Variants in RORA observed in about 807,000 individuals in gnomAD.
RORA encodes RAR related orphan receptor A.
Under a neutral mutation model 69.5 loss-of-function variants are expected in RORA, and 7 were observed. That is an observed-to-expected ratio of 0.10 (90% CI 0.06 to 0.19). The LOEUF (loss-of-function observed/expected upper bound fraction) is 0.19. Among genes scored for constraint, RORA ranks in the 10% least tolerant of loss-of-function variants. The pLI is 1.00. For synonymous variants in RORA, 261 were observed against 240.8 expected (o/e 1.08, Z -0.78); for missense variants, 457 against 663.0 (o/e 0.69, Z 3.41).
At chr15:60,540,820 A>C (rs3905275) in intron 2 of RORA, among the ~76,000 whole-genome samples, 26,517 of 152,100 alleles carry the variant, frequency 0.17, 2,444 homozygotes, top group Middle Eastern at 0.26. Context: ...TTAGAACATT[A>C]AACCTTGAAA....
intron 1 of RORA, among the ~76,000 whole-genome samples, chr15:60,918,911 G>A (rs775304417): frequency 1.6e-4 from 25 of 152,280 alleles, no homozygotes; most frequent in Non-Finnish European, 3.2e-4. Flanking sequence ...CAGAAAGCCC[G>A]TGCTTGAGCT....
Position 60,489,976 on chromosome 15 carries a change from T to G in RORA, c.*7479A>C, listed in dbSNP as rs2065015141. 6.6e-6 allele frequency: 1 copy of G among 152,092 alleles called. No individual in the cohort carries two copies. The highest frequency in any genetic ancestry group is 1.5e-5 in the Non-Finnish European group (1 of 67,996). The allele number at this position is 152,092 out of a possible 1,614,324, so 9.4% of individuals were successfully genotyped here. A position where few individuals can be genotyped will look rare whatever the true frequency, so the allele number is the denominator to read the frequency against. On this transcript the variant is annotated 3_prime_UTR_variant, in exon 11 of 11. Coordinates refer to ENST00000335670, the MANE Select transcript of RORA (RefSeq NM_134261.3). ...AACATAAAGTAAATGCTAATAAGTT[T>G]CCATATAGCCATATTTATAAACAAA...
chr15:61,060,479 G>A lies in RORA; in HGVS notation c.166+168574C>T, dbSNP rs979290451. Among the ~76,000 whole-genome samples, 4 of 152,162 alleles carry A rather than the reference G, an allele frequency of 2.6e-5. No individual in the cohort carries two copies. The South Asian group carries it at 8.3e-4, about 32-fold the overall frequency. ...CCTTTCAGGTACACCTCAGGGTAGG[G>A]GTCGGGGGCAAGGGTGACCGTGAGG... On this transcript the variant is annotated intron_variant, in intron 1 of 10. Coordinates refer to ENST00000335670, the MANE Select transcript of RORA (RefSeq NM_134261.3).
chr15:61,192,966 A>G (rs1418546092), intron 1 of RORA, among the ~76,000 whole-genome samples: 1 of 152,146 alleles, frequency 6.6e-6, no homozygotes, highest in Admixed American at 6.5e-5. Context: ...TATTCCTATT[A>G]TCTTATAACT....
chr15:61,191,573 AAC>A (rs1356491379), intron 1 of RORA, among the ~76,000 whole-genome samples: 1 of 152,168 alleles, frequency 6.6e-6, no homozygotes, highest in Non-Finnish European at 1.5e-5. Flanking sequence ...TTTGCAGATA[AAC>A]ACATTGCCAA....
intron 1 of RORA, among the ~76,000 whole-genome samples, chr15:60,941,174 C>G (rs938777108): frequency 1.3e-5 from 2 of 152,154 alleles, no homozygotes; most frequent in African/African-American, 4.8e-5. Context: ...TTACATATAC[C>G]AACCCTGGGA....
At chr15:60,824,389 T>C (rs2072931107) in intron 1 of RORA, among the ~76,000 whole-genome samples, 1 of 152,104 alleles carries the variant, frequency 6.6e-6, no homozygotes, top group Non-Finnish European at 1.5e-5. Flanking sequence ...CTTTGAGCTT[T>C]AAATATCGTT....
chr15:61,005,437 G>T (rs994176837), intron 1 of RORA, among the ~76,000 whole-genome samples: 3 of 152,134 alleles, frequency 2.0e-5, no homozygotes, highest in Admixed American at 6.5e-5. Flanking sequence ...CTGAGACCGT[G>T]CCACTGTACT....
At chr15:60,499,112 A>C (rs2065253574) in intron 10 of RORA, among the ~76,000 whole-genome samples, 1 of 152,216 alleles carries the variant, frequency 6.6e-6, no homozygotes, top group Admixed American at 6.5e-5. Context: ...TAGTGATGGG[A>C]AATTGACAAA....
At chr15:60,982,029 T>C (rs1894058283) in intron 1 of RORA, among the ~76,000 whole-genome samples, 2 of 152,260 alleles carry the variant, frequency 1.3e-5, no homozygotes, top group African/African-American at 2.4e-5. Context: ...ATCTGTATTC[T>C]ACGTCATGTG....
At chr15:61,011,870 A>T (rs1239548248) in intron 1 of RORA, among the ~76,000 whole-genome samples, 1 of 152,200 alleles carries the variant, frequency 6.6e-6, no homozygotes, top group African/African-American at 2.4e-5. Context: ...AAGCTTCACT[A>T]GTAATGAGGC....
chr15:60,795,599 G>A (rs1220148078), intron 1 of RORA, among the ~76,000 whole-genome samples: 1 of 152,178 alleles, frequency 6.6e-6, no homozygotes, highest in Non-Finnish European at 1.5e-5. Context: ...ATCTCAAACA[G>A]CCACTGATCT....
chr15:60,799,880 G>A (rs2072554922), intron 1 of RORA, among the ~76,000 whole-genome samples: 1 of 152,192 alleles, frequency 6.6e-6, no homozygotes, highest in African/African-American at 2.4e-5. Flanking sequence ...TCTTTGTCTT[G>A]CTCTCTGTTT....
At position 61,174,029 on chromosome 15, in the gene RORA, C is replaced by T. The variant is rs116544922; in HGVS notation, c.166+55024G>A. On this transcript the variant is annotated intron_variant, in intron 1 of 10. Coordinates refer to ENST00000335670, the MANE Select transcript of RORA (RefSeq NM_134261.3). ...CTTTATTGGCAGAAATTTTGGAAAA[C>T]ATTTCCATCCTGTTCCTGGCCATTC... is the stretch of plus-strand genomic sequence containing the variant. Among the ~76,000 whole-genome samples, 1,358 of 152,294 alleles carry T rather than the reference C, an allele frequency of 8.9e-3. 31 individuals are homozygous for T. Among genetic ancestry groups the T allele is most frequent in the African/African-American group, 0.031 (1,290 of 41,550 alleles).
rs10707424 is a variant in RORA, at chr15:60,858,980, C to CT, written c.167-180295dup. On this transcript the variant is annotated intron_variant, in intron 1 of 10. Coordinates refer to ENST00000335670, the MANE Select transcript of RORA (RefSeq NM_134261.3). ...TGTTCTGTGCTTTCATAGGCTTCAT[C>CT]TTTTTTTTTTTTTTTCCTGGGGGCT... Among the ~76,000 whole-genome samples, 617 of 145,782 alleles carry CT rather than the reference C, an allele frequency of 4.2e-3. 6 individuals are homozygous for CT. The highest frequency in any genetic ancestry group is 3.7e-3 in the African/African-American group (146 of 39,940).
intron 1 of RORA, among the ~76,000 whole-genome samples, chr15:61,108,265 T>C (rs750405206): frequency 2.0e-5 from 3 of 152,200 alleles, no homozygotes; most frequent in Non-Finnish European, 4.4e-5. Context: ...AGAAGTCAAA[T>C]TCAGATTCTT....
At chr15:61,109,963 G>T (rs532663920) in intron 1 of RORA, among the ~76,000 whole-genome samples, 4 of 152,308 alleles carry the variant, frequency 2.6e-5, no homozygotes, top group African/African-American at 9.6e-5. Context: ...TATGACAGCG[G>T]TCCCACAGGA....
At chr15:61,145,433 A>G (rs2079337672) in intron 1 of RORA, among the ~76,000 whole-genome samples, 1 of 152,246 alleles carries the variant, frequency 6.6e-6, no homozygotes, top group Non-Finnish European at 1.5e-5. Context: ...TCCAGGCTAC[A>G]TCTAGATGTG....
At chr15:61,110,860 C>T (rs1245011420) in intron 1 of RORA, among the ~76,000 whole-genome samples, 28 of 152,218 alleles carry the variant, frequency 1.8e-4, no homozygotes, top group Admixed American at 1.8e-3. Context: ...AATCCTCATA[C>T]ACCGCACGCC....
Sources: allele counts gnomAD v4.1 joint callset (sites outside exome capture counted in the v4.1 genomes callset), GRCh38; gene constraint gnomAD v4.1.1; transcripts MANE v1.5; gene names NCBI Gene and HGNC (gene_info 2026-07-23, HGNC 2026-07-21).